Variants in CCDC7 observed in about 807,000 individuals in gnomAD.
CCDC7 encodes coiled-coil domain-containing protein 7.
A neutral mutation model predicts 196.9 loss-of-function variants in CCDC7; 183 were observed. The ratio of observed to expected loss-of-function variants is 0.93; its 90% CI spans 0.82 to 1.05. The LOEUF is 1.05. Among genes scored for constraint, CCDC7 ranks in the 50% least tolerant of loss-of-function variants. CCDC7 has a pLI of 0.00. For synonymous variants in CCDC7, 525 were observed against 484.6 expected (o/e 1.08, Z -1.10); for missense variants, 1,540 against 1,482.2 (o/e 1.04, Z -0.64).
rs879603085 is a variant in CCDC7 at position 32,828,465 on chromosome 10, G to GA, written c.3268+3862dup. Among the ~76,000 whole-genome samples, 599 of 66,674 alleles carry GA rather than the reference G, an allele frequency of 9.0e-3. 4 individuals are homozygous for GA. The highest frequency in any genetic ancestry group is 0.021 in the East Asian group (42 of 1,974). 43.7% of individuals were successfully genotyped at this position (66,674 alleles called of 152,430 possible). A position where few individuals can be genotyped will look rare whatever the true frequency, so the allele number is the denominator to read the frequency against. On this transcript the variant is annotated intron_variant, in intron 32 of 41. Coordinates refer to ENST00000639629, the Ensembl canonical transcript of CCDC7. ...AGAAGAAGAAGAAGAAGAAGAAGAAGAGGAAGAGGAAGAGGAAGAGGAAGA... is the reference window on the plus strand; with the variant it reads ...AGAAGAAGAAGAAGAAGAAGAAGAAGAAGGAAGAGGAAGAGGAAGAGGAAGA...
chr10:32,858,363 A>G (rs909428913), intron 41 of CCDC7, among the ~76,000 whole-genome samples: 1 of 152,196 alleles, frequency 6.6e-6, no homozygotes, highest in Admixed American at 6.5e-5. Context: ...ACAGAGCAAT[A>G]TCTCTGATGA....
intron 2 of CCDC7, 85 bp downstream of exon 3, chr10:32,453,521 C>A (rs992829215): frequency 3.3e-6 from 3 of 902,594 alleles, no homozygotes; most frequent in Non-Finnish European, 4.4e-6. Flanking sequence ...AAAATATTTT[C>A]TTTTGGAGTA....
At chr10:32,852,037 A>G in intron 40 of CCDC7, 105 bp downstream of exon 41, 1 of 1,191,572 alleles carries the variant, frequency 8.4e-7, no homozygotes, top group South Asian at 1.8e-5. Flanking sequence ...CAGTTTGGCA[A>G]AATATAAATG....
At chr10:32,558,253 T>A (rs1178073933) in intron 13 of CCDC7, among the ~76,000 whole-genome samples, 1 of 152,170 alleles carries the variant, frequency 6.6e-6, no homozygotes, top group South Asian at 2.1e-4. Context: ...CTAGATTGTG[T>A]TATATTCTTC....
intron 18 of CCDC7, among the ~76,000 whole-genome samples, chr10:32,603,664 G>A (rs1762516): frequency 0.34 from 51,646 of 150,150 alleles, 11,298 homozygotes; most frequent in Non-Finnish European, 0.5. Flanking sequence ...AGAATAAAAT[G>A]ATATCTCATT....
chr10:32,777,702 C>G (rs931520996), intron 28 of CCDC7, among the ~76,000 whole-genome samples: 8 of 143,422 alleles, frequency 5.6e-5, no homozygotes, highest in African/African-American at 1.0e-4. Context: ...ACTAAAAATA[C>G]AAAAAAAAAA....
intron 9 of CCDC7, among the ~76,000 whole-genome samples, chr10:32,500,214 G>T (rs570637398): frequency 6.6e-5 from 10 of 150,974 alleles, no homozygotes; most frequent in Non-Finnish European, 8.9e-5. Flanking sequence ...GGATGGGGCG[G>T]CCGGCCTGGC....
chr10:32,706,789 A>G (rs1429463907), intron 24 of CCDC7, among the ~76,000 whole-genome samples: 1 of 152,230 alleles, frequency 6.6e-6, no homozygotes, highest in East Asian at 1.9e-4. Flanking sequence ...GAATCCCTGA[A>G]TAGTCCAATA....
chr10:32,510,346 G>A (rs1185682780), intron 9 of CCDC7, among the ~76,000 whole-genome samples: 1 of 152,186 alleles, frequency 6.6e-6, no homozygotes. Context: ...AATAAGCTTT[G>A]TAGATCTATT....
At chr10:32,693,804 C>G (rs926309448) in intron 23 of CCDC7, among the ~76,000 whole-genome samples, 1 of 151,988 alleles carries the variant, frequency 6.6e-6, no homozygotes, top group Non-Finnish European at 1.5e-5. Context: ...TAAATGGTCC[C>G]TGTCTGAGTG....
At chr10:32,453,669 T>TATA (rs1480986404) in intron 2 of CCDC7, among the ~76,000 whole-genome samples, 4 of 152,170 alleles carry the variant, frequency 2.6e-5, no homozygotes, top group African/African-American at 4.8e-5. Context: ...CCATTAGGAA[T>TATA]GACCAACATT....
At chr10:32,769,943 A>T (rs1044906689) in intron 28 of CCDC7, among the ~76,000 whole-genome samples, 5 of 152,168 alleles carry the variant, frequency 3.3e-5, no homozygotes, top group African/African-American at 1.2e-4. Flanking sequence ...ATAAACATAC[A>T]TGTGCATGTG....
At chr10:32,841,815 C>G (rs943035175) in intron 33 of CCDC7, among the ~76,000 whole-genome samples, 2 of 151,978 alleles carry the variant, frequency 1.3e-5, no homozygotes, top group African/African-American at 4.8e-5. Flanking sequence ...TACTTACAGC[C>G]GACAGATCTT....
intron 20 of CCDC7, among the ~76,000 whole-genome samples, chr10:32,638,616 T>G (rs1178752038): frequency 3.3e-5 from 5 of 152,172 alleles, no homozygotes; most frequent in Non-Finnish European, 7.4e-5. Context: ...CTGATGTGCT[T>G]CTGGATTCAG....
At chr10:32,685,947 A>AATAGATAAATACG (rs2076418839) in intron 21 of CCDC7, 23 bp from the exon 23 acceptor site, 7 of 1,306,898 alleles carry the variant, frequency 5.4e-6, no homozygotes, top group African/African-American at 1.6e-5. Context: ...ATTTAGTGGA[A>AATAGATAAATACG]TAAATGTATT....
At chr10:32,490,245 A>G (rs1220956776) in intron 8 of CCDC7, among the ~76,000 whole-genome samples, 2 of 152,098 alleles carry the variant, frequency 1.3e-5, no homozygotes, top group Non-Finnish European at 2.9e-5. Flanking sequence ...ACTTTCATCC[A>G]TGGATAGCTG....
chr10:32,855,850 A>G (rs911748650), intron 41 of CCDC7, among the ~76,000 whole-genome samples: 8 of 152,186 alleles, frequency 5.3e-5, no homozygotes, highest in Non-Finnish European at 1.0e-4. Flanking sequence ...TACAATAACC[A>G]AAACAGTATG....
chr10:32,518,790 T>C (rs928808039), intron 11 of CCDC7, among the ~76,000 whole-genome samples: 1 of 152,108 alleles, frequency 6.6e-6, no homozygotes, highest in African/African-American at 2.4e-5. Context: ...TTTTCAAATA[T>C]ATTGTAAATG....
intron 21 of CCDC7, among the ~76,000 whole-genome samples, chr10:32,681,805 A>C (rs1480980496): frequency 6.6e-6 from 1 of 151,704 alleles, no homozygotes; most frequent in Non-Finnish European, 1.5e-5. Context: ...ACACATCTGC[A>C]TACATATATA....
Sources: gnomAD v4.1 joint callset for allele counts (sites outside exome capture counted in the v4.1 genomes callset) on GRCh38, gnomAD v4.1.1 for gene constraint, MANE v1.5 for transcripts, NCBI Gene and HGNC (gene_info 2026-07-23, HGNC 2026-07-21) for gene names.